HERC6: variants seen among roughly 807,000 people sequenced by gnomAD.
HERC6 encodes probable E3 ubiquitin-protein ligase HERC6.
A neutral mutation model predicts 114.5 loss-of-function variants in HERC6; 101 were observed. The observed-to-expected ratio is 0.88, with a 90% CI of 0.75 to 1.04. The LOEUF is 1.04. Among genes scored for constraint, HERC6 ranks in the 50% least tolerant of loss-of-function variants. The pLI is 0.00. For synonymous variants in HERC6, 408 were observed against 436.2 expected (o/e 0.94, Z 0.81); for missense variants, 1,133 against 1,230.9 (o/e 0.92, Z 1.19).
intron 13 of HERC6, among the ~76,000 whole-genome samples, chr4:88,420,800 G>T (rs1736971524): frequency 6.6e-6 from 1 of 152,018 alleles, no homozygotes; most frequent in African/African-American, 2.4e-5. Flanking sequence ...TAAATAAAAT[G>T]TGCAATGTAA....
At position 88,428,677 on chromosome 4, in the gene HERC6, G is replaced by A. The variant is rs751533234; in HGVS notation, c.2033G>A (p.Arg678Gln). The change falls in exon 16 of 23, where the codon CGA becomes CAA. Residue 678 changes from arginine to glutamine, a missense_variant. This residue lies in a region of HERC6 where 388 missense variants were observed against 445.9 expected (regional missense o/e 0.87). Transcript: ENST00000264346. ...PSPRFILRVRRSRLVKDALRQ... is the reference protein window; with the variant it reads ...PSPRFILRVRQSRLVKDALRQ... ...CCCAGATTTATACTTAGAGTCAGAC[G>A]AAGTCGCCTGGTTAAAGATGCTCTG... The A allele has an allele frequency of 2.3e-5, 37 of 1,603,176 alleles. No homozygotes were observed. Among genetic ancestry groups the A allele is most frequent in the African/African-American group, 4.0e-5 (3 of 74,728 alleles).
chr4:88,435,635 A>G, intron 17 of HERC6, 90 bp from the exon 18 acceptor site: 2 of 903,840 alleles, frequency 2.2e-6, no homozygotes, highest in Non-Finnish European at 3.0e-6. Flanking sequence ...CTTTCAGAAA[A>G]GGGAACCACA....
chr4:88,439,962 G>T lies in HERC6; in HGVS notation c.2644G>T (p.Val882Phe). 1 of 1,610,502 alleles carries T rather than the reference G, an allele frequency of 6.2e-7. No homozygotes were observed. Among genetic ancestry groups the T allele is most frequent in the Non-Finnish European group, 8.5e-7 (1 of 1,178,808 alleles). The change falls in exon 21 of 23, where the codon GTC (valine) becomes TTC (phenylalanine). Residue 882 changes from valine to phenylalanine, a missense_variant. By Grantham distance (50) the Val-to-Phe change is conservative. Around this residue, in one of 3 missense-constraint regions of HERC6, gnomAD observed 388 missense variants for 445.9 expected, o/e 0.87. Transcript: ENST00000264346. ...GGAATTTCAGAGAGGATTTTATAGA[G>T]TCTGTGAGAAGGAGATACTTAGACA... ...YEEFQRGFYR[V>F]CEKEILRHFY...
chr4:88,406,946 A>G lies in HERC6; in HGVS notation c.1274+1333A>G, dbSNP rs138840715. On this transcript the variant is annotated intron_variant, in intron 10 of 22. Coordinates refer to ENST00000264346, the MANE Select transcript of HERC6 (RefSeq NM_017912.4). ...TAATTTTTTATGTTTTTTGGTAGAGATGGGGTTTCACCATGTTGACCAGGC... is the reference window on the plus strand; with the variant it reads ...TAATTTTTTATGTTTTTTGGTAGAGGTGGGGTTTCACCATGTTGACCAGGC... Among the ~76,000 whole-genome samples, 1,407 of 152,116 alleles carry G rather than the reference A, an allele frequency of 9.2e-3. 23 individuals carry two copies. The highest frequency in any genetic ancestry group is 0.032 in the African/African-American group (1,325 of 41,482).
chr4:88,397,921 C>G (rs1735330726), intron 7 of HERC6, among the ~76,000 whole-genome samples: 1 of 151,982 alleles, frequency 6.6e-6, no homozygotes. Context: ...AAATTTTAGA[C>G]TAAGTGAATA....
chr4:88,380,353 A>AAATATATATAATATATAAAT, intron 1 of HERC6, among the ~76,000 whole-genome samples: 1 of 35,298 alleles, frequency 2.8e-5, no homozygotes, highest in Admixed American at 6.3e-4. Context: ...ATATAATATA[A>AAATATATATAATATATAAAT]ATATATATAT....
intron 20 of HERC6, among the ~76,000 whole-genome samples, chr4:88,439,392 A>G (rs1197858261): frequency 6.6e-6 from 1 of 151,818 alleles, no homozygotes; most frequent in African/African-American, 2.4e-5. Flanking sequence ...GAAGAAAGAA[A>G]GAAAAGGGAA....
At chr4:88,441,097 G>C (rs1405156516) in intron 22 of HERC6, among the ~76,000 whole-genome samples, 1 of 151,350 alleles carries the variant, frequency 6.6e-6, no homozygotes, top group Admixed American at 6.6e-5. Flanking sequence ...TTTCTACACT[G>C]ACTTTTTCTG....
intron 3 of HERC6, among the ~76,000 whole-genome samples, chr4:88,387,072 A>G (rs1734622651): frequency 6.6e-6 from 1 of 152,170 alleles, no homozygotes; most frequent in Admixed American, 6.5e-5. Flanking sequence ...TAAATGTTTT[A>G]TGTGTGTTTT....
At chr4:88,380,426 T>C (rs1348780882) in intron 1 of HERC6, among the ~76,000 whole-genome samples, 10 of 111,574 alleles carry the variant, frequency 9.0e-5, no homozygotes, top group Non-Finnish European at 1.7e-4. Flanking sequence ...TATATATATA[T>C]ACACATAATA....
At position 88,428,682 on chromosome 4, in the gene HERC6, C is replaced by T. The variant is rs939952090; in HGVS notation, c.2038C>T (p.Arg680Cys). The change falls in exon 16 of 23, where the codon CGC becomes TGC. Residue 680 changes from arginine to cysteine, a missense_variant. By Grantham distance (180) the Arg-to-Cys change is radical. Around this residue, in one of 3 missense-constraint regions of HERC6, gnomAD observed 388 missense variants for 445.9 expected, o/e 0.87. Coordinates refer to ENST00000264346, the MANE Select transcript of HERC6 (RefSeq NM_017912.4). Reference sequence around the variant, plus strand: ...ATTTATACTTAGAGTCAGACGAAGTCGCCTGGTTAAAGATGCTCTGCGTCA... The same window carrying T: ...ATTTATACTTAGAGTCAGACGAAGTTGCCTGGTTAAAGATGCTCTGCGTCA... ...PRFILRVRRS[R>C]LVKDALRQLS... The T allele has an allele frequency of 1.4e-5, 23 of 1,602,016 alleles. No homozygotes were observed. The highest frequency in any genetic ancestry group is 4.0e-5 in the African/African-American group (3 of 74,714).
At chr4:88,428,978 T>C (rs1224543129) in intron 16 of HERC6, among the ~76,000 whole-genome samples, 1 of 152,236 alleles carries the variant, frequency 6.6e-6, no homozygotes, top group Non-Finnish European at 1.5e-5. Flanking sequence ...TGCTGCATAA[T>C]GAAACATCCC....
Position 88,428,713 on chromosome 4 carries a change from G to A in HERC6, c.2069G>A (p.Ser690Asn). 6.3e-7 allele frequency: 1 copy of A among 1,590,406 alleles called. No homozygotes were observed. The highest frequency in any genetic ancestry group is 1.2e-5 in the South Asian group (1 of 85,812). ...RLVKDALRQLSQAEATDFCKV... is the reference protein window; with the variant it reads ...RLVKDALRQLNQAEATDFCKV... ...GTTAAAGATGCTCTGCGTCAATTAAGTCAAGCTGAAGCTACTGACTTCTGC... is the reference window on the plus strand; with the variant it reads ...GTTAAAGATGCTCTGCGTCAATTAAATCAAGCTGAAGCTACTGACTTCTGC... The change falls in exon 16 of 23, where the codon AGT becomes AAT. Residue 690 changes from serine (S) to asparagine (N), a missense_variant. By Grantham distance (46) the Ser-to-Asn change is conservative (BLOSUM62 1). This residue lies in a region of HERC6 where 388 missense variants were observed against 445.9 expected (regional missense o/e 0.87). Coordinates refer to ENST00000264346, the MANE Select transcript of HERC6 (RefSeq NM_017912.4).
chr4:88,423,930 T>C lies in HERC6; in HGVS notation c.1784T>C (p.Phe595Ser). Reference protein sequence around the residue: ...NINELSNLLNFYIDRGRQLFR... With the variant: ...NINELSNLLNSYIDRGRQLFR... ...AATGAACTCTCCAACTTATTAAACT[T>C]TTATATAGATAGAGGAAGACAGCTC... Residue 595 changes from phenylalanine to serine, a missense_variant, in exon 14 of 23, where the codon TTT becomes TCT. Phe to Ser is a radical substitution (Grantham distance 155, BLOSUM62 -2). This residue lies in a region of HERC6 where 735 missense variants were observed against 754.0 expected (regional missense o/e 0.97). Transcript: ENST00000264346. The C allele has an allele frequency of 6.4e-7, 1 of 1,566,614 alleles. No individual in the cohort carries two copies. Among genetic ancestry groups the C allele is most frequent in the Admixed American group, 2.0e-5 (1 of 51,152 alleles).
chr4:88,417,335 C>A, intron 12 of HERC6, 90 bp from the exon 13 acceptor site: 1 of 1,130,724 alleles, frequency 8.8e-7, no homozygotes. Context: ...AAAATATTAT[C>A]TATTTCTTAC....
At chr4:88,395,128 C>A (rs978002164) in intron 5 of HERC6, among the ~76,000 whole-genome samples, 19 of 152,008 alleles carry the variant, frequency 1.2e-4, no homozygotes, top group Non-Finnish European at 1.8e-4. Flanking sequence ...AACTATATGC[C>A]CCCAATTATT....
rs1029039239 is a variant in HERC6 at position 88,379,165 on chromosome 4, TGGGCGCGGGGGCTTGGGTACC to T, written c.199+52_199+72del. 2.1e-6 allele frequency: 3 copies of T among 1,426,382 alleles called. No homozygotes were observed. The African/African-American group carries it at 4.3e-5, about 21-fold the overall frequency. 88.4% of individuals were successfully genotyped at this position (1,426,382 alleles called of 1,614,324 possible). On this transcript the variant is annotated intron_variant, in intron 1 of 22. Coordinates refer to ENST00000264346, the MANE Select transcript of HERC6 (RefSeq NM_017912.4). ...TGCAGGGTGTGAGGACCCCAGTACA[TGGGCGCGGGGGCTTGGGTACC>T]GGGCGCAGGGAACCGGGTGCGGAGC...
intron 9 of HERC6, among the ~76,000 whole-genome samples, chr4:88,405,322 A>G (rs1233076815): frequency 6.6e-6 from 1 of 152,186 alleles, no homozygotes; most frequent in Non-Finnish European, 1.5e-5. Flanking sequence ...CTTCACAGGG[A>G]TAGGTTTTAT....
intron 2 of HERC6, among the ~76,000 whole-genome samples, chr4:88,383,811 T>TTCCTAACCTGAA (rs1195760520): frequency 7.0e-6 from 1 of 143,116 alleles, no homozygotes; most frequent in Non-Finnish European, 1.5e-5. Context: ...ACAAACACAG[T>TTCCTAACCTGAA]TCCTAACCTG....
Sources: gnomAD v4.1 joint callset for allele counts (sites outside exome capture counted in the v4.1 genomes callset) on GRCh38, gnomAD v4.1.1 for gene constraint, gnomAD v4.1.1 regional missense constraint, MANE v1.5 for transcripts, NCBI Gene and HGNC (gene_info 2026-07-23, HGNC 2026-07-21) for gene names.